UPK2: variants seen among roughly 807,000 people sequenced by gnomAD.
UPK2 encodes uroplakin 2, also known as uroplakin-2.
A neutral mutation model predicts 14.8 loss-of-function variants in UPK2; 19 were observed. The ratio of observed to expected loss-of-function variants is 1.29; its 90% CI spans 0.90 to 1.89. The LOEUF (loss-of-function observed/expected upper bound fraction) is 1.89. Among genes scored for constraint, UPK2 ranks in the 40% most tolerant of loss-of-function variants. The pLI is 0.00. For missense variants in UPK2, 232 were observed against 236.0 expected, an observed-to-expected ratio of 0.98 and a Z score of 0.11; for synonymous variants, 102 against 101.6, an observed-to-expected ratio of 1.00 and a Z score of -0.02.
chr11:118,958,053 G>T lies in UPK2; in HGVS notation c.419-44G>T. The T allele has an allele frequency of 1.3e-6, 2 of 1,577,648 alleles. No homozygotes were observed. Among genetic ancestry groups the T allele is most frequent in the East Asian group, 2.3e-5 (1 of 44,296 alleles). On this transcript the variant is annotated intron_variant, in intron 4 of 4. Coordinates refer to ENST00000264031, the MANE Select transcript of UPK2 (RefSeq NM_006760.4). The surrounding 1 kb of genome is among the most constrained non-coding windows in gnomAD (Gnocchi z 4.6). ...TGAGGCCGTGAGCCTCAGGCAGGCT[G>T]GGGGTCTCTCCCGCCCACAGTGGTC...
chr11:118,957,669 G>T lies in UPK2; in HGVS notation c.418+1G>T. ...GAGATCCCAATGTCCACACTCCCTC[G>T]TAAGTAACACTCCCGCCTCCCTTTC... On this transcript the variant is annotated splice_donor_variant, in intron 4 of 4. Transcript: ENST00000264031. LOFTEE classifies it high-confidence loss of function. 2.5e-6 allele frequency: 4 copies of T among 1,614,008 alleles called. No individual in the cohort carries two copies. Among genetic ancestry groups the T allele is most frequent in the Non-Finnish European group, 3.4e-6 (4 of 1,179,922 alleles).
At chr11:118,957,459 G>T in intron 3 of UPK2, 113 bp downstream of exon 3, 4 of 1,551,856 alleles carry the variant, frequency 2.6e-6, no homozygotes, top group East Asian at 2.3e-5. Flanking sequence ...ACAGCAAAAG[G>T]GGGTGAAAGC....
rs1485076318 is a variant in UPK2 at position 118,957,002 on chromosome 11, A to G, written c.196A>G (p.Asn66Asp). The G allele has an allele frequency of 6.2e-7, 1 of 1,613,852 alleles. No individual in the cohort carries two copies. Among genetic ancestry groups the G allele is most frequent in the Non-Finnish European group, 8.5e-7 (1 of 1,180,016 alleles). The change falls in exon 2 of 5, where the codon AAT becomes GAT. Residue 66 changes from asparagine (N) to aspartate (D), a missense_variant. Transcript: ENST00000264031. ...TGCCACACTGATGGTCCGGAGAGCC[A>G]ATGACAGCAAAGGTCTGCTACCTTC... ...GNATLMVRRA[N>D]DSKVVTSSFV...
rs77809657 is a variant in UPK2, at chr11:118,957,207, G to A, written c.209-1G>A. ...CTTCCCCTCCCGCCACTTCTGCCCA[G>A]TGGTGACGTCCAGCTTTGTGGTGCC... On this transcript the variant is annotated splice_acceptor_variant, in intron 2 of 4. Transcript: ENST00000264031. LOFTEE classifies it high-confidence loss of function. 234 of 1,614,070 alleles carry A rather than the reference G, an allele frequency of 1.4e-4. No individual in the cohort carries two copies. In the African/African-American group the frequency reaches 2.8e-3, roughly 19 times the overall value.
chr11:118,956,917 C>T lies in UPK2; in HGVS notation c.111C>T (p.Ser37=). Residue 37 remains serine (S), a synonymous_variant, in exon 2 of 5, where the codon TCC becomes TCT. Transcript: ENST00000264031. The surrounding 1 kb of genome is among the most constrained non-coding windows in gnomAD (Gnocchi z 4.1). The part of the protein sequence containing the change: ...FNISSLSGLL[S]PALTESLLVA... ...TCTCAAGCCTCTCTGGTCTGCTGTC[C>T]CCGGCGCTAACGGAGAGCCTGCTGG... 1 of 1,614,108 alleles carries T rather than the reference C, an allele frequency of 6.2e-7. No individual in the cohort carries two copies. The highest frequency in any genetic ancestry group is 8.5e-7 in the Non-Finnish European group (1 of 1,180,020).
chr11:118,957,007 C>A lies in UPK2; in HGVS notation c.201C>A (p.Asp67Glu). Residue 67 changes from aspartate (D) to glutamate (E), a missense_variant, in exon 2 of 5, where the codon GAC (aspartate) becomes GAA (glutamate). Physicochemically the swap from Asp to Glu is conservative, Grantham distance 45. Coordinates refer to ENST00000264031, the MANE Select transcript of UPK2 (RefSeq NM_006760.4). Reference protein sequence around the residue: ...NATLMVRRANDSKVVTSSFVV... With the variant: ...NATLMVRRANESKVVTSSFVV... ...CACTGATGGTCCGGAGAGCCAATGA[C>A]AGCAAAGGTCTGCTACCTTCTCCCA... is the stretch of plus-strand genomic sequence containing the variant. 6.2e-7 allele frequency: 1 copy of A among 1,614,052 alleles called. No individual in the cohort carries two copies. The highest frequency in any genetic ancestry group is 8.5e-7 in the Non-Finnish European group (1 of 1,180,018).
At position 118,956,908 on chromosome 11, in the gene UPK2, T is replaced by A; in HGVS notation, c.102T>A (p.Gly34=). 1 of 1,613,958 alleles carries A rather than the reference T, an allele frequency of 6.2e-7. No homozygotes were observed. Among genetic ancestry groups the A allele is most frequent in the Non-Finnish European group, 8.5e-7 (1 of 1,179,882 alleles). The part of the protein sequence containing the change: ...AADFNISSLS[G]LLSPALTESL... ...ACTTCAACATCTCAAGCCTCTCTGG[T>A]CTGCTGTCCCCGGCGCTAACGGAGA... is the stretch of plus-strand genomic sequence containing the variant. The change falls in exon 2 of 5, where the codon GGT becomes GGA. Residue 34 remains glycine (G), a synonymous_variant. Coordinates refer to ENST00000264031, the MANE Select transcript of UPK2 (RefSeq NM_006760.4). The surrounding 1 kb of genome is among the most constrained non-coding windows in gnomAD (Gnocchi z 4.1).
At position 118,958,401 on chromosome 11, in the gene UPK2, C is replaced by T; in HGVS notation, c.*168C>T. 1.4e-6 allele frequency: 1 copy of T among 712,016 alleles called. No individual in the cohort carries two copies. The highest frequency in any genetic ancestry group is 2.2e-6 in the Non-Finnish European group (1 of 445,664). 44.1% of individuals were successfully genotyped at this position (712,016 alleles called of 1,614,324 possible). A position where few individuals can be genotyped will look rare whatever the true frequency, so the allele number is the denominator to read the frequency against. On this transcript the variant is annotated 3_prime_UTR_variant, in exon 5 of 5. Coordinates refer to ENST00000264031, the MANE Select transcript of UPK2 (RefSeq NM_006760.4). The surrounding 1 kb of genome is among the most constrained non-coding windows in gnomAD (Gnocchi z 4.6). The stretch of plus-strand genomic sequence containing the variant: ...CTCCTCCCTCTGTCCCTCTCCTTGC[C>T]CCCAGTGCCTCACCTTCCAACACTC...
chr11:118,956,844 G>C lies in UPK2; in HGVS notation c.77-39G>C. On this transcript the variant is annotated intron_variant, in intron 1 of 4. Transcript: ENST00000264031. The surrounding 1 kb of genome is among the most constrained non-coding windows in gnomAD (Gnocchi z 4.1). Reference sequence around the variant, plus strand: ...CGGGCCAGATCTGTTGGCCAGGAGGGGTCAGTCCCCATCGGAGCTCCCTCC... The same window carrying C: ...CGGGCCAGATCTGTTGGCCAGGAGGCGTCAGTCCCCATCGGAGCTCCCTCC... 6.2e-7 allele frequency: 1 copy of C among 1,612,514 alleles called. No homozygotes were observed. Among genetic ancestry groups the C allele is most frequent in the South Asian group, 1.1e-5 (1 of 90,916 alleles).
rs761750240 is a variant in UPK2, at chr11:118,957,579, C to G, written c.348-19C>G. 1.2e-6 allele frequency: 2 copies of G among 1,613,918 alleles called. No individual in the cohort carries two copies. Among genetic ancestry groups the G allele is most frequent in the East Asian group, 2.2e-5 (1 of 44,898 alleles). On this transcript the variant is annotated intron_variant, in intron 3 of 4. Transcript: ENST00000264031. ...CAATACTCACTGAGGGTTCTCTACTCTCTCCCAAACCACAAAAGCATTTCC... is the reference window on the plus strand; with the variant it reads ...CAATACTCACTGAGGGTTCTCTACTGTCTCCCAAACCACAAAAGCATTTCC...
intron 4 of UPK2, 47 bp downstream of exon 4, chr11:118,957,715 G>A (rs745306956): frequency 7.5e-6 from 12 of 1,607,128 alleles, no homozygotes; most frequent in African/African-American, 2.7e-5. Flanking sequence ...GGCCACAAAC[G>A]CTTCCCTGAC....
At chr11:118,957,099 C>A (rs1941569243) in intron 2 of UPK2, 85 bp downstream of exon 2, 2 of 1,605,278 alleles carry the variant, frequency 1.2e-6, no homozygotes, top group Non-Finnish European at 1.7e-6. Flanking sequence ...CCCATTCATG[C>A]CTTCCTGTCC....
In UPK2 at chr11:118,956,992, C is replaced by T. The variant is rs1941568313; in HGVS notation, c.186C>T (p.Val62=). ...CAGGAGGCAATGCCACACTGATGGT[C>T]CGGAGAGCCAATGACAGCAAAGGTC... is the stretch of plus-strand genomic sequence containing the variant. ...HLTGGNATLM[V]RRANDSKVVT... is the part of the protein sequence containing the mutation. Residue 62 remains valine (V), a synonymous_variant, in exon 2 of 5, where the codon GTC becomes GTT. Coordinates refer to ENST00000264031, the MANE Select transcript of UPK2 (RefSeq NM_006760.4). This position sits in a 1 kb window ranked among gnomAD's most constrained non-coding sequence, Gnocchi z 4.1. The T allele has an allele frequency of 1.2e-6, 2 of 1,613,916 alleles. No individual in the cohort carries two copies. The highest frequency in any genetic ancestry group is 1.7e-4 in the Middle Eastern group (1 of 6,056).
At chr11:118,957,439 G>C in intron 3 of UPK2, 93 bp downstream of exon 3, 2 of 1,569,052 alleles carry the variant, frequency 1.3e-6, no homozygotes, top group Admixed American at 3.6e-5. Flanking sequence ...CATGAGGAGA[G>C]GGTGAGGGCA....
Position 118,956,742 on chromosome 11 carries a change from T to C in UPK2, c.77-141T>C. ...GCTTCTGCAGCCCAAGCCTGCCACCTGGTGGTCATACTGGCACAGGCCTGG... is the reference window on the plus strand; with the variant it reads ...GCTTCTGCAGCCCAAGCCTGCCACCCGGTGGTCATACTGGCACAGGCCTGG... On this transcript the variant is annotated intron_variant, in intron 1 of 4. Transcript: ENST00000264031. The surrounding 1 kb of genome is among the most constrained non-coding windows in gnomAD (Gnocchi z 4.1). 8.5e-7 allele frequency: 1 copy of C among 1,175,360 alleles called. No individual in the cohort carries two copies. The highest frequency in any genetic ancestry group is 1.2e-6 in the Non-Finnish European group (1 of 842,196). 72.8% of individuals were successfully genotyped at this position (1,175,360 alleles called of 1,614,324 possible).
chr11:118,956,975 A>C lies in UPK2; in HGVS notation c.169A>C (p.Asn57His). The C allele has an allele frequency of 6.2e-7, 1 of 1,614,138 alleles. No homozygotes were observed. The highest frequency in any genetic ancestry group is 2.2e-5 in the East Asian group (1 of 44,884). The change falls in exon 2 of 5, where the codon AAT (asparagine) becomes CAT (histidine). Residue 57 changes from asparagine (N) to histidine (H), a missense_variant. Coordinates refer to ENST00000264031, the MANE Select transcript of UPK2 (RefSeq NM_006760.4). This position sits in a 1 kb window ranked among gnomAD's most constrained non-coding sequence, Gnocchi z 4.1. Reference sequence around the variant, plus strand: ...GCCCCCCTGTCACCTCACAGGAGGCAATGCCACACTGATGGTCCGGAGAGC... The same window carrying C: ...GCCCCCCTGTCACCTCACAGGAGGCCATGCCACACTGATGGTCCGGAGAGC... ...ALPPCHLTGG[N>H]ATLMVRRAND...
chr11:118,957,960 G>GTTGT (rs1264544481), intron 4 of UPK2, 137 bp from the exon 5 acceptor site: 6 of 1,291,560 alleles, frequency 4.6e-6, no homozygotes, highest in Admixed American at 2.5e-5. Flanking sequence ...TGGTTGGTTG[G>GTTGT]TTGGTTGGCT....
chr11:118,957,743 C>T, intron 4 of UPK2, 75 bp downstream of exon 4: 3 of 1,576,442 alleles, frequency 1.9e-6, no homozygotes, highest in South Asian at 1.1e-5. Context: ...GCCTCATCCC[C>T]AGTCTGGGTT....
In UPK2 at chr11:118,956,456, G is replaced by C. The variant is rs779435445; in HGVS notation, c.76+30G>C. ...CTTCCATCTCTGGCAGGGGTGGGAA[G>C]GGGGCTGGGGGCCTGGACAGGGAGC... On this transcript the variant is annotated intron_variant, in intron 1 of 4. Transcript: ENST00000264031. This position sits in a 1 kb window ranked among gnomAD's most constrained non-coding sequence, Gnocchi z 4.1. 2 of 1,573,504 alleles carry C rather than the reference G, an allele frequency of 1.3e-6. No homozygotes were observed. Among genetic ancestry groups the C allele is most frequent in the Non-Finnish European group, 1.7e-6 (2 of 1,156,232 alleles).
Sources: gnomAD v4.1 joint callset for allele counts on GRCh38, gnomAD v4.1.1 for gene constraint, Gnocchi (gnomAD v3.1) non-coding constraint, MANE v1.5 for transcripts, NCBI Gene and HGNC (gene_info 2026-07-23, HGNC 2026-07-21) for gene names.